ERC1: variants seen among roughly 807,000 people sequenced by gnomAD.
ERC1 encodes the protein RAB6 interacting protein 2.
ERC1 carries 56 observed loss-of-function variants against 132.0 expected under a neutral mutation model. The ratio of observed to expected loss-of-function variants is 0.42; its 90% CI spans 0.34 to 0.53. The LOEUF is 0.53. Ranked by LOEUF, ERC1 falls within the 20% of genes least tolerant of loss-of-function variation. The pLI is 0.03. For missense variants in ERC1, 1,202 were observed against 1,349.9 expected, an observed-to-expected ratio of 0.89 and a Z score of 1.72; for synonymous variants, 478 against 476.1, an observed-to-expected ratio of 1.00 and a Z score of -0.05.
chr12:1,420,928 G>T (rs982211776), intron 17 of ERC1, among the ~76,000 whole-genome samples: 1 of 145,768 alleles, frequency 6.9e-6, no homozygotes, highest in Non-Finnish European at 1.5e-5. Flanking sequence ...TTGGGGGGGG[G>T]GGGGGTTAAT....
chr12:1,458,556 T>TG (rs2093586809), intron 18 of ERC1, among the ~76,000 whole-genome samples: 1 of 149,698 alleles, frequency 6.7e-6, no homozygotes, highest in East Asian at 2.0e-4. Context: ...TTTTTTGAGA[T>TG]GGAGTTTCGC....
At chr12:1,384,385 C>T (rs1035414173) in intron 16 of ERC1, among the ~76,000 whole-genome samples, 3 of 152,090 alleles carry the variant, frequency 2.0e-5, no homozygotes, top group East Asian at 1.9e-4. Context: ...CAGCTAAGTT[C>T]GAAAATCTGT....
chr12:1,462,305 A>C (rs1443202270), intron 18 of ERC1, among the ~76,000 whole-genome samples: 1 of 152,248 alleles, frequency 6.6e-6, no homozygotes, highest in Non-Finnish European at 1.5e-5. Context: ...ATGTACATCT[A>C]TCCTGTAACC....
intron 16 of ERC1, among the ~76,000 whole-genome samples, chr12:1,399,239 A>C (rs1012547830): frequency 6.6e-6 from 1 of 152,158 alleles, no homozygotes; most frequent in African/African-American, 2.4e-5. Context: ...CGTGTGAGCC[A>C]TCACGCCTGC....
At chr12:1,201,082 T>A (rs1199530370) in intron 12 of ERC1, among the ~76,000 whole-genome samples, 1 of 152,228 alleles carries the variant, frequency 6.6e-6, no homozygotes, top group East Asian at 1.9e-4. Context: ...GCCTATATTC[T>A]TATACAATTT....
chr12:1,082,751 A>G (rs1565929991), intron 2 of ERC1, among the ~76,000 whole-genome samples: 1 of 151,330 alleles, frequency 6.6e-6, no homozygotes. Context: ...TGGCCTCCCA[A>G]AGTGCTGGAA....
chr12:1,492,673 C>G lies in ERC1; in HGVS notation c.*2443C>G. On this transcript the variant is annotated 3_prime_UTR_variant, in exon 19 of 19. Transcript: ENST00000360905. ...CATTTCCGGGACCGATATCATCTGT[C>G]TGGTCTCTGTGAACAGCAAGGAATC... The G allele has an allele frequency of 4.3e-6, 1 of 232,990 alleles. No individual in the cohort carries two copies. Among genetic ancestry groups the G allele is most frequent in the Non-Finnish European group, 8.5e-6 (1 of 117,820 alleles). The allele number at this position is 232,990 out of a possible 1,614,324, so 14.4% of individuals were successfully genotyped here. A position where few individuals can be genotyped will look rare whatever the true frequency, so the allele number is the denominator to read the frequency against.
At chr12:1,359,213 T>C (rs1440006643) in intron 15 of ERC1, among the ~76,000 whole-genome samples, 1 of 152,154 alleles carries the variant, frequency 6.6e-6, no homozygotes, top group Non-Finnish European at 1.5e-5. Flanking sequence ...AGGGGTTGGA[T>C]AATCAATCAT....
intron 3 of ERC1, among the ~76,000 whole-genome samples, chr12:1,099,966 G>A (rs1184905958): frequency 7.0e-6 from 1 of 143,828 alleles, no homozygotes; most frequent in Non-Finnish European, 1.5e-5. Context: ...TCCTGCCTCA[G>A]CCTCCCCAGT....
At chr12:1,097,776 G>A (rs534762270) in intron 3 of ERC1, among the ~76,000 whole-genome samples, 10 of 148,628 alleles carry the variant, frequency 6.7e-5, no homozygotes, top group South Asian at 4.2e-4. Context: ...GTGCAATGTC[G>A]CGATCTCGGC....
At chr12:1,055,740 C>T (rs529444248) in intron 2 of ERC1, among the ~76,000 whole-genome samples, 1 of 152,282 alleles carries the variant, frequency 6.6e-6, no homozygotes, top group East Asian at 1.9e-4. Context: ...CTTCAACTGA[C>T]CTAGGGACAG....
chr12:1,197,114 G>A (rs1956408272), intron 12 of ERC1, among the ~76,000 whole-genome samples: 4 of 151,220 alleles, frequency 2.6e-5, no homozygotes, highest in South Asian at 2.1e-4. Flanking sequence ...CCGAGTAGCT[G>A]GGAATACAGG....
chr12:1,479,469 G>A (rs1337510906), intron 18 of ERC1, among the ~76,000 whole-genome samples: 1 of 152,116 alleles, frequency 6.6e-6, no homozygotes, highest in African/African-American at 2.4e-5. Context: ...TTTCAATATA[G>A]AGGCTTCTGT....
chr12:1,240,493 A>C (rs1339584850), intron 13 of ERC1, among the ~76,000 whole-genome samples: 1 of 152,214 alleles, frequency 6.6e-6, no homozygotes, highest in Non-Finnish European at 1.5e-5. Context: ...TTTCAGTTCT[A>C]AACTAGCTTT....
intron 8 of ERC1, among the ~76,000 whole-genome samples, chr12:1,143,481 G>C (rs1054050873): frequency 6.6e-6 from 1 of 151,344 alleles, no homozygotes; most frequent in Non-Finnish European, 1.5e-5. Context: ...TAGTGATATT[G>C]ATCTGTCTGT....
At chr12:1,186,875 G>C (rs1955154213) in intron 11 of ERC1, among the ~76,000 whole-genome samples, 1 of 152,258 alleles carries the variant, frequency 6.6e-6, no homozygotes, top group African/African-American at 2.4e-5. Context: ...CTGTTGCCCA[G>C]GCTGGAGTGC....
chr12:1,183,428 G>T lies in ERC1; in HGVS notation c.2157+7G>T, dbSNP rs763008334. The T allele has an allele frequency of 1.4e-4, 220 of 1,548,920 alleles. No homozygotes were observed. The highest frequency in any genetic ancestry group is 1.9e-4 in the Admixed American group (11 of 57,086). On this transcript the variant is annotated splice_region_variant and intron_variant, in intron 11 of 18. Transcript: ENST00000360905. ...GGAATCACAATTGAAAAAGGTTAAA[G>T]AAAAAATTTCACATTTTTTTGCTTT...
At chr12:1,206,571 C>T (rs1221205991) in intron 12 of ERC1, among the ~76,000 whole-genome samples, 10 of 152,082 alleles carry the variant, frequency 6.6e-5, no homozygotes, top group Non-Finnish European at 1.5e-4. Context: ...ACTGAAGACT[C>T]ACATTTTCTA....
chr12:1,328,536 G>A (rs971248574), intron 15 of ERC1, among the ~76,000 whole-genome samples: 18 of 151,326 alleles, frequency 1.2e-4, no homozygotes, highest in Admixed American at 3.3e-4. Context: ...TGCAGACTCC[G>A]AAGCCTGACG....
Sources: gnomAD v4.1 joint callset for allele counts (sites outside exome capture counted in the v4.1 genomes callset) on GRCh38, gnomAD v4.1.1 for gene constraint, MANE v1.5 for transcripts, NCBI Gene and HGNC (gene_info 2026-07-23, HGNC 2026-07-21) for gene names.